Variants in ARPP21 observed in about 807,000 individuals in gnomAD.
The protein encoded by ARPP21 is cAMP regulated phosphoprotein 21, also known as cAMP-regulated phosphoprotein 21.
In ARPP21, 69 loss-of-function variants were observed where a neutral mutation model predicts 113.2. The ratio of observed to expected loss-of-function variants is 0.61; its 90% CI spans 0.50 to 0.74. ARPP21 has a LOEUF of 0.74. ARPP21 is among the 30% of genes least tolerant of loss of function. The pLI is 0.00. For missense variants in ARPP21, 1,070 were observed against 1,037.4 expected, an observed-to-expected ratio of 1.03 and a Z score of -0.43; for synonymous variants, 368 against 375.5, an observed-to-expected ratio of 0.98 and a Z score of 0.23.
At chr3:35,653,518 C>T (rs17201627) in intron 1 of ARPP21, among the ~76,000 whole-genome samples, 8,867 of 151,940 alleles carry the variant, frequency 0.058, 351 homozygotes, top group South Asian at 0.16. Flanking sequence ...TTGTGGTTGC[C>T]GTTTATGGCA....
At chr3:35,791,017 A>G (rs1429968655) in intron 19 of ARPP21, among the ~76,000 whole-genome samples, 1 of 152,166 alleles carries the variant, frequency 6.6e-6, no homozygotes, top group Non-Finnish European at 1.5e-5. Context: ...AACTGAGGAC[A>G]CCTTGCTTCT....
At chr3:35,684,052 C>A in intron 5 of ARPP21, 1 of 1,598,054 alleles carries the variant, frequency 6.3e-7, no homozygotes, top group South Asian at 1.1e-5. Flanking sequence ...GAAAGGAATT[C>A]AAAAGAATTT....
intron 19 of ARPP21, among the ~76,000 whole-genome samples, chr3:35,786,187 A>C (rs903591791): frequency 6.6e-6 from 1 of 152,210 alleles, no homozygotes; most frequent in African/African-American, 2.4e-5. Context: ...AACATGTTTA[A>C]AAATAATGTC....
At chr3:35,684,590 C>A (rs1189544117) in intron 5 of ARPP21, 1 of 985,154 alleles carries the variant, frequency 1.0e-6, no homozygotes, top group East Asian at 1.1e-4. Context: ...AGGCTGGGTG[C>A]AGTCAAGACA....
At chr3:35,718,464 G>A (rs2092704097) in intron 13 of ARPP21, among the ~76,000 whole-genome samples, 1 of 152,098 alleles carries the variant, frequency 6.6e-6, no homozygotes, top group Non-Finnish European at 1.5e-5. Context: ...GACCTAGTTT[G>A]TTTAGGGTGA....
intron 20 of ARPP21, among the ~76,000 whole-genome samples, chr3:35,792,965 T>C (rs1215483298): frequency 6.6e-6 from 1 of 152,222 alleles, no homozygotes; most frequent in East Asian, 1.9e-4. Context: ...TTAAAGGGCA[T>C]TTCTGGAGCC....
At chr3:35,704,819 G>T (rs992248870) in intron 9 of ARPP21, among the ~76,000 whole-genome samples, 2 of 151,846 alleles carry the variant, frequency 1.3e-5, no homozygotes, top group Non-Finnish European at 2.9e-5. Context: ...ATGGTTCTAG[G>T]CACTAAGACT....
intron 1 of ARPP21, among the ~76,000 whole-genome samples, chr3:35,655,163 C>CT (rs1485031237): frequency 6.6e-6 from 1 of 151,808 alleles, no homozygotes; most frequent in Non-Finnish European, 1.5e-5. Context: ...AGGAAATAAA[C>CT]TTTATTTTAC....
intron 13 of ARPP21, among the ~76,000 whole-genome samples, chr3:35,721,104 G>A (rs970224993): frequency 6.6e-6 from 1 of 152,152 alleles, no homozygotes; most frequent in Non-Finnish European, 1.5e-5. Context: ...ATCTCATAAA[G>A]CTGGAACATG....
At chr3:35,738,680 C>T (rs1559802219) in intron 17 of ARPP21, among the ~76,000 whole-genome samples, 1 of 152,164 alleles carries the variant, frequency 6.6e-6, no homozygotes. Context: ...ACCATTATCA[C>T]CCTATGCTCC....
At chr3:35,707,353 G>A (rs555766326) in intron 10 of ARPP21, 11 of 607,432 alleles carry the variant, frequency 1.8e-5, no homozygotes, top group Non-Finnish European at 3.1e-5. Context: ...ATGTCTGGGA[G>A]GGTCGGGATG....
At chr3:35,739,077 G>T (rs2094517625) in intron 17 of ARPP21, among the ~76,000 whole-genome samples, 1 of 152,226 alleles carries the variant, frequency 6.6e-6, no homozygotes, top group African/African-American at 2.4e-5. Flanking sequence ...CATTGAAAGA[G>T]AAATATTTGG....
At chr3:35,681,208 T>C (rs1462774673) in intron 2 of ARPP21, 1 of 151,970 alleles carries the variant, frequency 6.6e-6, no homozygotes, top group African/African-American at 2.4e-5. Flanking sequence ...TTATGCTGAA[T>C]TATTACCTTT....
chr3:35,708,180 T>C (rs1376179925), intron 10 of ARPP21, among the ~76,000 whole-genome samples: 2 of 152,114 alleles, frequency 1.3e-5, no homozygotes, highest in Admixed American at 1.3e-4. Context: ...TTAGTGGGTG[T>C]CTGTTGAATG....
chr3:35,693,271 G>C (rs992491520), intron 9 of ARPP21, among the ~76,000 whole-genome samples: 1 of 151,594 alleles, frequency 6.6e-6, no homozygotes, highest in African/African-American at 2.4e-5. Context: ...GCAAATGACT[G>C]TATGTCATGG....
intron 19 of ARPP21, among the ~76,000 whole-genome samples, chr3:35,747,333 C>G (rs1293257686): frequency 1.4e-5 from 2 of 141,830 alleles, no homozygotes; most frequent in Non-Finnish European, 3.0e-5. Context: ...CCAAATCCAG[C>G]CTGGGCAACA....
chr3:35,781,358 A>G (rs190487410), intron 19 of ARPP21: 117 of 152,320 alleles, frequency 7.7e-4, no homozygotes, highest in African/African-American at 2.8e-3. Context: ...TAAAAGAATG[A>G]AACTTCTAGT....
At position 35,667,386 on chromosome 3, in the gene ARPP21, T is replaced by A. The variant is rs569786949; in HGVS notation, c.-212-12401T>A. Among the ~76,000 whole-genome samples the A allele has an allele frequency of 3.3e-5, 5 of 152,298 alleles. No individual in the cohort carries two copies. In the East Asian group the frequency reaches 9.7e-4, roughly 29 times the overall value. ...AGTCATTTTGCATTGTGATTACGTG[T>A]CATAATCTCATGACTAGTTAAATTT... is the stretch of plus-strand genomic sequence containing the variant. On this transcript the variant is annotated intron_variant, in intron 1 of 20. Transcript: ENST00000684406.
At chr3:35,735,988 T>C (rs78800004) in intron 15 of ARPP21, among the ~76,000 whole-genome samples, 3 of 152,232 alleles carry the variant, frequency 2.0e-5, no homozygotes, top group African/African-American at 7.2e-5. Flanking sequence ...ACATTTTTTT[T>C]CATCGTTACC....
Sources: allele counts gnomAD v4.1 joint callset (sites outside exome capture counted in the v4.1 genomes callset), GRCh38; gene constraint gnomAD v4.1.1; transcripts MANE v1.5; gene names NCBI Gene and HGNC (gene_info 2026-07-23, HGNC 2026-07-21).